The following GAS7 variants were observed in gnomAD, a reference collection of about 807,000 sequenced individuals.
GAS7 encodes growth arrest-specific protein 7.
GAS7 carries 28 observed loss-of-function variants against 71.1 expected under a neutral mutation model. That is an observed-to-expected ratio of 0.39 (90% CI 0.29 to 0.54). The LOEUF (loss-of-function observed/expected upper bound fraction) is 0.54. Ranked by LOEUF, GAS7 falls within the 20% of genes least tolerant of loss-of-function variation. The pLI is 0.62. For missense variants in GAS7, 436 were observed against 627.8 expected, an observed-to-expected ratio of 0.69 and a Z score of 3.27; for synonymous variants, 258 against 245.8, an observed-to-expected ratio of 1.05 and a Z score of -0.46.
chr17:10,174,754 A>C (rs1395794122), intron 1 of GAS7, among the ~76,000 whole-genome samples: 1 of 152,128 alleles, frequency 6.6e-6, no homozygotes, highest in Non-Finnish European at 1.5e-5. Context: ...GAGGAATTTG[A>C]CTTCAGGCCC....
intron 1 of GAS7, among the ~76,000 whole-genome samples, chr17:10,078,895 A>AT (rs1216804707): frequency 2.6e-5 from 4 of 152,138 alleles, no homozygotes; most frequent in East Asian, 3.9e-4. Flanking sequence ...ACAAAAAAAA[A>AT]TTTTTTTAAT....
rs150934341 is a variant in GAS7 at position 10,047,582 on chromosome 17, G to A, written c.184-27685C>T. Among the ~76,000 whole-genome samples, 16 of 152,252 alleles carry A rather than the reference G, an allele frequency of 1.1e-4. No individual in the cohort carries two copies. In the East Asian group the frequency reaches 2.5e-3, roughly 24 times the overall value. On this transcript the variant is annotated intron_variant, in intron 1 of 13. Coordinates refer to ENST00000432992, the MANE Select transcript of GAS7 (RefSeq NM_201433.2). ...TCCTGAAAGCACAAAGGAAGAGCAC[G>A]TCTCAGAAAATCATTCAGAAGAAAA...
At chr17:10,101,986 T>C (rs1323775151) in intron 1 of GAS7, among the ~76,000 whole-genome samples, 1 of 151,878 alleles carries the variant, frequency 6.6e-6, no homozygotes, top group Admixed American at 6.6e-5. Flanking sequence ...TCTAAGCAAC[T>C]CCCTCCCCAA....
intron 1 of GAS7, among the ~76,000 whole-genome samples, chr17:10,049,097 G>A (rs2073024963): frequency 6.6e-6 from 1 of 152,166 alleles, no homozygotes; most frequent in Admixed American, 6.5e-5. Context: ...CCAACAATGA[G>A]GACTATTCAA....
intron 1 of GAS7, among the ~76,000 whole-genome samples, chr17:10,060,793 C>T (rs1448271697): frequency 6.6e-6 from 1 of 152,210 alleles, no homozygotes; most frequent in Non-Finnish European, 1.5e-5. Flanking sequence ...TTTCCTGTAA[C>T]ATTAAACATA....
Position 10,063,840 on chromosome 17 carries a change from G to A in GAS7, c.184-43943C>T, listed in dbSNP as rs552421528. On this transcript the variant is annotated intron_variant, in intron 1 of 13. Coordinates refer to ENST00000432992, the MANE Select transcript of GAS7 (RefSeq NM_201433.2). ...CTTCCTTCAAGACACTCAGGTCATG[G>A]GCTTCCCCTTGCACGGGTGGTGAGG... Among the ~76,000 whole-genome samples the A allele has an allele frequency of 1.4e-4, 22 of 152,284 alleles. 1 individual carries two copies. The South Asian group carries it at 3.9e-3, about 27-fold the overall frequency.
intron 1 of GAS7, among the ~76,000 whole-genome samples, chr17:10,080,076 T>C (rs897071445): frequency 2.6e-5 from 4 of 152,212 alleles, no homozygotes; most frequent in Non-Finnish European, 5.9e-5. Context: ...CAGGATGAGA[T>C]AGGAGGTGGC....
At chr17:9,983,178 T>A (rs1012210095) in intron 2 of GAS7, among the ~76,000 whole-genome samples, 2 of 152,228 alleles carry the variant, frequency 1.3e-5, no homozygotes, top group East Asian at 3.9e-4. Flanking sequence ...TTTTTATGTA[T>A]AAATTTTTGT....
intron 1 of GAS7, among the ~76,000 whole-genome samples, chr17:10,042,693 G>A (rs1342243896): frequency 6.6e-6 from 1 of 152,178 alleles, no homozygotes. Flanking sequence ...AGGAGGGCGA[G>A]GTCACTCTTG....
In GAS7 at chr17:9,916,873, G is replaced by T. The variant is rs1404110651; in HGVS notation, c.*355C>A. 1 of 449,742 alleles carries T rather than the reference G, an allele frequency of 2.2e-6. No homozygotes were observed. Among genetic ancestry groups the T allele is most frequent in the Non-Finnish European group, 3.9e-6 (1 of 254,736 alleles). The allele number at this position is 449,742 out of a possible 1,614,324, so 27.9% of individuals were successfully genotyped here. ...GCCCTGGAGACAAGGGAGCCAGCTG[G>T]AGGAAGAGCCTTGGGGCTTCCAGGG... On this transcript the variant is annotated 3_prime_UTR_variant, in exon 14 of 14. Coordinates refer to ENST00000432992, the MANE Select transcript of GAS7 (RefSeq NM_201433.2).
chr17:10,089,098 T>C (rs2073553036), intron 1 of GAS7, among the ~76,000 whole-genome samples: 2 of 151,458 alleles, frequency 1.3e-5, no homozygotes, highest in Middle Eastern at 3.4e-3. Context: ...GAGGCAGAGG[T>C]TGCAGTGAGC....
At chr17:9,980,904 C>T (rs2070387579) in intron 3 of GAS7, among the ~76,000 whole-genome samples, 1 of 152,200 alleles carries the variant, frequency 6.6e-6, no homozygotes, top group African/African-American at 2.4e-5. Flanking sequence ...AGATGTTGTT[C>T]TCCCTGCTGA....
intron 1 of GAS7, among the ~76,000 whole-genome samples, chr17:10,176,950 G>A (rs2074377921): frequency 6.6e-6 from 1 of 152,190 alleles, no homozygotes; most frequent in African/African-American, 2.4e-5. Context: ...CACCCATCCA[G>A]TCATCAAATA....
chr17:10,055,804 GT>G (rs2073128548), intron 1 of GAS7, among the ~76,000 whole-genome samples: 1 of 152,188 alleles, frequency 6.6e-6, no homozygotes, highest in Admixed American at 6.5e-5. Context: ...TTCCGCTCTG[GT>G]TTTTGTGCAG....
At chr17:10,101,787 A>T (rs2073701465) in intron 1 of GAS7, among the ~76,000 whole-genome samples, 1 of 152,122 alleles carries the variant, frequency 6.6e-6, no homozygotes, top group Non-Finnish European at 1.5e-5. Context: ...GACTTCTATC[A>T]CTGTTCCCAC....
At chr17:10,173,076 T>C (rs7222551) in intron 1 of GAS7, among the ~76,000 whole-genome samples, 75,240 of 152,062 alleles carry the variant, frequency 0.49, 19,133 homozygotes, top group East Asian at 0.67. Context: ...ATAAACCAAA[T>C]ACGAAGTCCA....
At chr17:10,016,043 T>C (rs766149457) in intron 2 of GAS7, among the ~76,000 whole-genome samples, 2 of 152,188 alleles carry the variant, frequency 1.3e-5, no homozygotes, top group Admixed American at 1.3e-4. Flanking sequence ...CTGGTACATA[T>C]TTGAGGCTCA....
chr17:10,067,331 G>A (rs1056939427), intron 1 of GAS7, among the ~76,000 whole-genome samples: 2 of 152,040 alleles, frequency 1.3e-5, no homozygotes, highest in Non-Finnish European at 1.5e-5. Context: ...TGCAACCTCC[G>A]CCTCCTGGGT....
chr17:10,025,545 A>C (rs978110657), intron 1 of GAS7, among the ~76,000 whole-genome samples: 3 of 151,750 alleles, frequency 2.0e-5, no homozygotes, highest in Non-Finnish European at 4.4e-5. Context: ...CGCAACCCCC[A>C]AAATTTTCCC....
Sources: gnomAD v4.1 joint callset for allele counts (sites outside exome capture counted in the v4.1 genomes callset) on GRCh38, gnomAD v4.1.1 for gene constraint, MANE v1.5 for transcripts, NCBI Gene and HGNC (gene_info 2026-07-23, HGNC 2026-07-21) for gene names.